PPP2R2C: variants seen among roughly 807,000 people sequenced by gnomAD.
PPP2R2C encodes the protein protein phosphatase 2, regulatory subunit B, gamma.
A neutral mutation model predicts 45.3 loss-of-function variants in PPP2R2C; 10 were observed. The observed-to-expected ratio is 0.22, with a 90% CI of 0.14 to 0.37. The LOEUF (loss-of-function observed/expected upper bound fraction) is 0.37. PPP2R2C is among the 10% of genes least tolerant of loss of function. The probability of loss-of-function intolerance (pLI) is 1.00; values close to 1 mark genes in which losing one functional copy is unlikely to be tolerated. For synonymous variants in PPP2R2C, 257 were observed against 245.4 expected (o/e 1.05, Z -0.44); for missense variants, 308 against 619.7 (o/e 0.50, Z 5.34).
chr4:6,522,430 AC>A (rs1724057454), intron 2 of PPP2R2C, among the ~76,000 whole-genome samples: 2 of 152,226 alleles, frequency 1.3e-5, no homozygotes, highest in Non-Finnish European at 1.5e-5. Context: ...AGCTGGGGAC[AC>A]AAGTGAATCC....
At chr4:6,493,561 G>A (rs1252412939) in intron 2 of PPP2R2C, among the ~76,000 whole-genome samples, 8 of 151,296 alleles carry the variant, frequency 5.3e-5, no homozygotes, top group Non-Finnish European at 1.2e-4. Context: ...TACACTAACA[G>A]TGCTGTGTTA....
chr4:6,533,270 C>T (rs1033007767), intron 2 of PPP2R2C, among the ~76,000 whole-genome samples: 3 of 152,148 alleles, frequency 2.0e-5, no homozygotes, highest in African/African-American at 7.2e-5. Flanking sequence ...TTGGTCACAG[C>T]CAAATCCTCT....
intron 2 of PPP2R2C, among the ~76,000 whole-genome samples, chr4:6,534,161 A>AAC (rs1205612706): frequency 4.7e-5 from 7 of 149,466 alleles, no homozygotes; most frequent in Admixed American, 1.3e-4. Context: ...TACACACACC[A>AAC]ACACACACAC....
Position 6,321,733 on chromosome 4 carries a change from C to T in PPP2R2C, c.*1569G>A, listed in dbSNP as rs752283128. The T allele has an allele frequency of 2.0e-5, 3 of 152,076 alleles. No homozygotes were observed. The highest frequency in any genetic ancestry group is 2.1e-4 in the South Asian group (1 of 4,818). The allele number at this position is 152,076 out of a possible 1,614,324, so 9.4% of individuals were successfully genotyped here. On this transcript the variant is annotated 3_prime_UTR_variant, in exon 9 of 9. Coordinates refer to ENST00000382599, the MANE Select transcript of PPP2R2C (RefSeq NM_020416.4). ...CTTTCTGAATCAAAATGCCAAACTA[C>T]GTGGCTCTGCTGCAAGTCCATGAGC...
chr4:6,381,858 ACT>A, intron 1 of PPP2R2C: 2 of 1,612,536 alleles, frequency 1.2e-6, no homozygotes, highest in Non-Finnish European at 1.7e-6. Context: ...TCCAGGCCCC[ACT>A]TTTTGCATGT....
intron 2 of PPP2R2C, among the ~76,000 whole-genome samples, chr4:6,519,198 C>T (rs1723934008): frequency 1.3e-5 from 2 of 152,134 alleles, no homozygotes; most frequent in Non-Finnish European, 2.9e-5. Context: ...CTGTGTTGGG[C>T]CCCCAGCTAT....
intron 1 of PPP2R2C, among the ~76,000 whole-genome samples, chr4:6,396,766 C>T (rs1401375946): frequency 1.3e-5 from 2 of 152,196 alleles, no homozygotes; most frequent in Admixed American, 6.5e-5. Flanking sequence ...ATCAGGTCTT[C>T]GGGTTGGGGC....
intron 1 of PPP2R2C, among the ~76,000 whole-genome samples, chr4:6,394,513 G>A (rs1277121919): frequency 3.3e-5 from 5 of 152,236 alleles, no homozygotes; most frequent in Admixed American, 1.3e-4. Flanking sequence ...GACCTGGTTC[G>A]ACTGTCTCCT....
At chr4:6,541,042 C>T (rs1724790002) in intron 1 of PPP2R2C, among the ~76,000 whole-genome samples, 1 of 151,080 alleles carries the variant, frequency 6.6e-6, no homozygotes, top group Non-Finnish European at 1.5e-5. Flanking sequence ...ATTGCTCCAG[C>T]CATCACATTC....
intron 2 of PPP2R2C, among the ~76,000 whole-genome samples, chr4:6,491,059 G>A (rs1421391826): frequency 1.3e-5 from 2 of 152,134 alleles, no homozygotes; most frequent in African/African-American, 4.8e-5. Context: ...AATGCTCCAG[G>A]GCCCTGCTCT....
chr4:6,493,418 C>T (rs1379991317), intron 2 of PPP2R2C, among the ~76,000 whole-genome samples: 1 of 151,338 alleles, frequency 6.6e-6, no homozygotes, highest in Non-Finnish European at 1.5e-5. Flanking sequence ...CTGTCCTATC[C>T]CAAGCAGGCC....
intron 5 of PPP2R2C, among the ~76,000 whole-genome samples, chr4:6,365,816 C>A (rs1242492509): frequency 1.3e-5 from 2 of 152,278 alleles, no homozygotes; most frequent in East Asian, 3.9e-4. Flanking sequence ...CAGTTCCCAC[C>A]GTGAGAAATC....
intron 1 of PPP2R2C, chr4:6,535,387 G>A (rs1724571829): frequency 1.2e-5 from 17 of 1,451,736 alleles, no homozygotes; most frequent in Admixed American, 6.7e-5. Context: ...TCTATAATCA[G>A]AAAAAAAAAC....
At chr4:6,446,219 GC>G (rs1223890991) in intron 1 of PPP2R2C, among the ~76,000 whole-genome samples, 1 of 152,190 alleles carries the variant, frequency 6.6e-6, no homozygotes, top group Non-Finnish European at 1.5e-5. Flanking sequence ...ACTCGGAGCT[GC>G]CCCTGCAGCG....
chr4:6,537,364 G>A (rs1282227740), intron 1 of PPP2R2C, among the ~76,000 whole-genome samples: 1 of 152,158 alleles, frequency 6.6e-6, no homozygotes, highest in Non-Finnish European at 1.5e-5. Context: ...TGAAGGGAAA[G>A]GAGAGTGTGC....
chr4:6,352,712 A>G (rs1413500221), intron 5 of PPP2R2C, among the ~76,000 whole-genome samples: 7 of 152,224 alleles, frequency 4.6e-5, no homozygotes, highest in Admixed American at 6.5e-5. Flanking sequence ...ATATGCCTCA[A>G]CTGAGCACAG....
At chr4:6,420,516 C>G (rs528445419) in intron 1 of PPP2R2C, among the ~76,000 whole-genome samples, 1 of 152,270 alleles carries the variant, frequency 6.6e-6, no homozygotes, top group East Asian at 1.9e-4. Flanking sequence ...AGGCAGCTCC[C>G]CCAGCTATGT....
At chr4:6,467,252 TC>T (rs1471655337) in intron 1 of PPP2R2C, among the ~76,000 whole-genome samples, 2 of 152,050 alleles carry the variant, frequency 1.3e-5, no homozygotes, top group Non-Finnish European at 2.9e-5. Context: ...ACCACTAATG[TC>T]CCCCCTCTTA....
At chr4:6,454,858 T>G (rs920335543) in intron 1 of PPP2R2C, among the ~76,000 whole-genome samples, 7 of 152,186 alleles carry the variant, frequency 4.6e-5, no homozygotes, top group African/African-American at 1.7e-4. Flanking sequence ...ATCACCAACA[T>G]GTCATTACAC....
Sources: allele counts gnomAD v4.1 joint callset (sites outside exome capture counted in the v4.1 genomes callset), GRCh38; gene constraint gnomAD v4.1.1; transcripts MANE v1.5; gene names NCBI Gene and HGNC (gene_info 2026-07-23, HGNC 2026-07-21).